DPP4: variants seen among roughly 807,000 people sequenced by gnomAD.
DPP4 encodes the protein ADCP-2.
A neutral mutation model predicts 122.4 loss-of-function variants in DPP4; 93 were observed. That is an observed-to-expected ratio of 0.76 (90% confidence interval 0.64 to 0.90). The LOEUF is 0.90. DPP4 is among the 40% of genes least tolerant of loss of function. The probability of loss-of-function intolerance (pLI) is 0.00; values close to 1 mark genes in which losing one functional copy is unlikely to be tolerated. For missense variants in DPP4, 914 were observed against 907.3 expected, an observed-to-expected ratio of 1.01 and a Z score of -0.09; for synonymous variants, 321 against 302.9, an observed-to-expected ratio of 1.06 and a Z score of -0.62.
At chr2:162,036,787 C>T (rs994058189) in intron 8 of DPP4, among the ~76,000 whole-genome samples, 18 of 152,126 alleles carry the variant, frequency 1.2e-4, no homozygotes, top group Non-Finnish European at 4.4e-5. Context: ...AAGAAGGAAA[C>T]TGAGGCATGG....
At chr2:162,064,960 T>C (rs1041165540) in intron 2 of DPP4, among the ~76,000 whole-genome samples, 1 of 152,244 alleles carries the variant, frequency 6.6e-6, no homozygotes, top group African/African-American at 2.4e-5. Context: ...TCTAACGTAA[T>C]GAAAAGAGAG....
chr2:162,005,028 G>T (rs1482903798), intron 23 of DPP4, among the ~76,000 whole-genome samples: 1 of 152,134 alleles, frequency 6.6e-6, no homozygotes, highest in African/African-American at 2.4e-5. Flanking sequence ...TGCCAGAAGG[G>T]TCCCTAGTAC....
chr2:162,065,086 A>T (rs930171775), intron 2 of DPP4, among the ~76,000 whole-genome samples: 2 of 152,220 alleles, frequency 1.3e-5, no homozygotes, highest in Non-Finnish European at 2.9e-5. Flanking sequence ...GCAAAAGAAG[A>T]TACTTTCCAA....
Position 162,016,822 on chromosome 2 carries a change from G to A in DPP4, c.1513C>T (p.Gln505Ter), listed in dbSNP as rs772843607. 3 of 1,613,214 alleles carry A rather than the reference G, an allele frequency of 1.9e-6. No homozygotes were observed. The Middle Eastern group carries it at 5.0e-4, about 266-fold the overall frequency. The change falls in exon 18 of 26, where the codon CAG (glutamine) becomes TAG (stop). Residue 505 changes from glutamine (Q) to a stop codon, truncating the protein, a stop_gained. Transcript: ENST00000360534. LOFTEE classifies it high-confidence loss of function. Reference protein sequence around the residue: ...EDNSALDKMLQNVQMPSKKLD... With the variant: ...EDNSALDKML ...TTTTTGGAGGGCATCTGGACATTCT[G>A]CAGCATTTTATCCAAAGCTGAATTG...
At chr2:161,998,951 G>C (rs182665919) in intron 23 of DPP4, among the ~76,000 whole-genome samples, 4 of 152,256 alleles carry the variant, frequency 2.6e-5, no homozygotes, top group East Asian at 1.9e-4. Context: ...TAAAACAAAA[G>C]CTTCCCCTGC....
chr2:162,017,212 T>C, intron 16 of DPP4, 57 bp from the exon 17 acceptor site: 2 of 1,453,664 alleles, frequency 1.4e-6, no homozygotes, highest in African/African-American at 1.4e-5. Flanking sequence ...GAAAAGATAG[T>C]ATAGATGACT....
At chr2:162,024,055 T>G (rs1343411253) in intron 11 of DPP4, among the ~76,000 whole-genome samples, 1 of 152,202 alleles carries the variant, frequency 6.6e-6, no homozygotes, top group Non-Finnish European at 1.5e-5. Context: ...GGTGAGAGTC[T>G]GCCCTGAGCC....
In DPP4 at chr2:162,045,621, CAAG is replaced by C. The variant is rs760693472; in HGVS notation, c.286-12_286-10del. 2.9e-5 allele frequency: 47 copies of C among 1,599,944 alleles called. No individual in the cohort carries two copies. Among genetic ancestry groups the C allele is most frequent in the African/African-American group, 9.4e-5 (7 of 74,454 alleles). Reference sequence around the variant, plus strand: ...GAATGTCCAAACTCATCCTGTCAAACAAGAAGAACAAAGAAAAATTGAACAATT... The same window carrying C: ...GAATGTCCAAACTCATCCTGTCAAACAAGAACAAAGAAAAATTGAACAATT... On this transcript the variant is annotated splice_polypyrimidine_tract_variant and intron_variant, in intron 4 of 25. Transcript: ENST00000360534.
intron 23 of DPP4, among the ~76,000 whole-genome samples, chr2:161,997,707 A>G (rs921752267): frequency 6.6e-6 from 1 of 152,210 alleles, no homozygotes; most frequent in Non-Finnish European, 1.5e-5. Context: ...CGCTGTGTTA[A>G]GCATCACATA....
Position 162,038,815 on chromosome 2 carries a change from T to G in DPP4, c.492+134A>C, listed in dbSNP as rs1336098926. On this transcript the variant is annotated intron_variant, in intron 7 of 25. Coordinates refer to ENST00000360534, the MANE Select transcript of DPP4 (RefSeq NM_001935.4). ...AGTTCAGCTGCAGACAAACATTAGA[T>G]CCTGGGCAATAACACTATGTTCTAT... The G allele has an allele frequency of 3.8e-6, 3 of 782,180 alleles. No homozygotes were observed. In the Admixed American group the frequency reaches 7.5e-5, roughly 20 times the overall value. 48.5% of individuals were successfully genotyped at this position (782,180 alleles called of 1,614,324 possible). A position where few individuals can be genotyped will look rare whatever the true frequency, so the allele number is the denominator to read the frequency against.
chr2:162,030,558 G>A (rs904117640), intron 10 of DPP4, among the ~76,000 whole-genome samples: 4 of 152,176 alleles, frequency 2.6e-5, no homozygotes, highest in Non-Finnish European at 5.9e-5. Context: ...AACAGGCTGA[G>A]CAGGTTACTA....
rs1473998756 is a variant in DPP4, at chr2:161,993,354, T to C, written c.2230A>G (p.Ser744Gly). The change falls in exon 26 of 26, where the codon AGC (serine) becomes GGC (glycine). Residue 744 changes from serine to glycine, a missense_variant. By Grantham distance (56) the Ser-to-Gly change is moderately conservative (BLOSUM62 0). Coordinates refer to ENST00000360534, the MANE Select transcript of DPP4 (RefSeq NM_001935.4). ...WYTDEDHGIASSTAHQHIYTH... is the reference protein window; with the variant it reads ...WYTDEDHGIAGSTAHQHIYTH... ...TATATATGTTGGTGTGCTGTGCTGC[T>C]AGCTATTCCATGGTCTTCATCAGTA... The C allele has an allele frequency of 6.2e-7, 1 of 1,613,618 alleles. No individual in the cohort carries two copies.
chr2:162,048,596 A>T (rs1482762601), intron 2 of DPP4, among the ~76,000 whole-genome samples: 1 of 152,180 alleles, frequency 6.6e-6, no homozygotes, highest in Middle Eastern at 3.4e-3. Context: ...AACCCAGAAG[A>T]TCTTGGGCTT....
At chr2:162,066,217 C>T (rs1684942289) in intron 2 of DPP4, among the ~76,000 whole-genome samples, 2 of 152,034 alleles carry the variant, frequency 1.3e-5, no homozygotes, top group Non-Finnish European at 2.9e-5. Context: ...CATGCCTGCA[C>T]ATTGTCTTAC....
chr2:162,051,608 C>T (rs1353241043), intron 2 of DPP4, among the ~76,000 whole-genome samples: 2 of 152,176 alleles, frequency 1.3e-5, no homozygotes, highest in African/African-American at 4.8e-5. Flanking sequence ...CATATTGATG[C>T]TTGTATCTAT....
At chr2:162,064,065 G>A (rs934708127) in intron 2 of DPP4, among the ~76,000 whole-genome samples, 77 of 152,294 alleles carry the variant, frequency 5.1e-4, no homozygotes, top group Non-Finnish European at 8.1e-4. Context: ...ATGCACTGAT[G>A]AGCCGGTGAG....
rs1328810665 is a variant in DPP4, at chr2:162,005,834, A to T, written c.1988-25T>A. 4.4e-6 allele frequency: 7 copies of T among 1,598,652 alleles called. No homozygotes were observed. The East Asian group carries it at 1.6e-4, about 36-fold the overall frequency. On this transcript the variant is annotated intron_variant, in intron 22 of 25. Transcript: ENST00000360534. ...TCTGTGAAAGAAAAAAAAATAAAAA[A>T]AAGTTTAATTCATACAATAACAACT... is the stretch of plus-strand genomic sequence containing the variant.
chr2:162,006,566 A>G (rs1249145144), intron 22 of DPP4, among the ~76,000 whole-genome samples: 1 of 152,180 alleles, frequency 6.6e-6, no homozygotes, highest in Non-Finnish European at 1.5e-5. Context: ...GATTACATTA[A>G]TATCTGTCTG....
chr2:162,042,082 G>A (rs1480442367), intron 5 of DPP4, among the ~76,000 whole-genome samples: 2 of 152,166 alleles, frequency 1.3e-5, no homozygotes, highest in Admixed American at 6.5e-5. Flanking sequence ...GCAAAGAGAA[G>A]CCGAATGCAA....
Sources: gnomAD v4.1 joint callset for allele counts (sites outside exome capture counted in the v4.1 genomes callset) on GRCh38, gnomAD v4.1.1 for gene constraint, MANE v1.5 for transcripts, NCBI Gene and HGNC (gene_info 2026-07-23, HGNC 2026-07-21) for gene names.